The following NKAIN3 variants were observed in gnomAD, a reference collection of about 807,000 sequenced individuals.
The protein encoded by NKAIN3 is sodium/potassium transporting ATPase interacting 3, also known as sodium/potassium-transporting ATPase subunit beta-1-interacting protein 3.
A neutral mutation model predicts 30.2 loss-of-function variants in NKAIN3; 25 were observed. That is an observed-to-expected ratio of 0.83 (90% CI 0.60 to 1.16). The LOEUF (loss-of-function observed/expected upper bound fraction) is 1.16, where lower values mean the gene tolerates loss of function less well. NKAIN3 is among the 50% of genes most tolerant of loss of function. The pLI is 0.00. For synonymous variants in NKAIN3, 91 were observed against 89.6 expected (o/e 1.02, Z -0.09); for missense variants, 225 against 254.1 (o/e 0.89, Z 0.78).
chr8:62,384,444 G>C, intron 1 of NKAIN3, among the ~76,000 whole-genome samples: 2 of 152,118 alleles, frequency 1.3e-5, no homozygotes, highest in Middle Eastern at 6.8e-3. Context: ...TTTTATAATA[G>C]TAATAGACAA....
At chr8:62,897,251 A>G (rs902332692) in intron 4 of NKAIN3, among the ~76,000 whole-genome samples, 1 of 152,204 alleles carries the variant, frequency 6.6e-6, no homozygotes, top group East Asian at 1.9e-4. Flanking sequence ...GTTCACCTAA[A>G]TAGTCTTACA....
chr8:62,364,724 A>T (rs1816678238), intron 1 of NKAIN3, among the ~76,000 whole-genome samples: 1 of 148,016 alleles, frequency 6.8e-6, no homozygotes. Flanking sequence ...CTGTAGTACC[A>T]GCTACTCCTA....
At chr8:62,551,578 C>A (rs1809212014) in intron 1 of NKAIN3, among the ~76,000 whole-genome samples, 1 of 152,184 alleles carries the variant, frequency 6.6e-6, no homozygotes, top group Admixed American at 6.5e-5. Flanking sequence ...AAACTTTTGA[C>A]TTAGCCCACA....
intron 4 of NKAIN3, among the ~76,000 whole-genome samples, chr8:62,881,206 T>A (rs568092479): frequency 6.6e-6 from 1 of 152,330 alleles, no homozygotes; most frequent in South Asian, 2.1e-4. Context: ...TTTGGACTAA[T>A]GTATAATGAC....
At chr8:62,777,363 G>A (rs1817223807) in intron 4 of NKAIN3, among the ~76,000 whole-genome samples, 2 of 151,730 alleles carry the variant, frequency 1.3e-5, no homozygotes, top group Admixed American at 1.3e-4. Context: ...TTTTTATCTT[G>A]TAGATGTGCT....
chr8:62,336,491 G>C (rs1171887840), intron 1 of NKAIN3, among the ~76,000 whole-genome samples: 4 of 151,934 alleles, frequency 2.6e-5, no homozygotes, highest in Non-Finnish European at 5.9e-5. Context: ...AAGGCCCTTG[G>C]GGCTTTTGCT....
At chr8:62,603,658 C>G (rs1324944858) in intron 3 of NKAIN3, among the ~76,000 whole-genome samples, 3 of 152,062 alleles carry the variant, frequency 2.0e-5, no homozygotes, top group African/African-American at 7.2e-5. Context: ...TCAGATTGAA[C>G]TTAATTAGTG....
At chr8:62,798,676 C>A (rs1817951836) in intron 4 of NKAIN3, among the ~76,000 whole-genome samples, 1 of 152,150 alleles carries the variant, frequency 6.6e-6, no homozygotes, top group Non-Finnish European at 1.5e-5. Flanking sequence ...ACCCATGACC[C>A]TTTTCACCTT....
intron 1 of NKAIN3, among the ~76,000 whole-genome samples, chr8:62,492,973 T>A (rs1286279030): frequency 1.3e-5 from 2 of 152,144 alleles, no homozygotes; most frequent in Admixed American, 1.3e-4. Flanking sequence ...TTTGTAAAAA[T>A]CTTCTCCCAT....
At chr8:62,294,066 G>A (rs148160210) in intron 1 of NKAIN3, among the ~76,000 whole-genome samples, 5 of 152,310 alleles carry the variant, frequency 3.3e-5, no homozygotes, top group East Asian at 1.9e-4. Flanking sequence ...CTGGCATGCC[G>A]TTTGCTAAGG....
At chr8:62,552,507 G>A (rs1354863271) in intron 1 of NKAIN3, among the ~76,000 whole-genome samples, 1 of 152,138 alleles carries the variant, frequency 6.6e-6, no homozygotes, top group Non-Finnish European at 1.5e-5. Context: ...GAGTGAAGGA[G>A]CATCCAATTC....
At chr8:62,706,001 G>T (rs1764125082) in intron 3 of NKAIN3, among the ~76,000 whole-genome samples, 1 of 152,098 alleles carries the variant, frequency 6.6e-6, no homozygotes, top group South Asian at 2.1e-4. Flanking sequence ...AACACATGAT[G>T]GGACTTCTCC....
chr8:62,898,880 T>C (rs568270445), intron 4 of NKAIN3, among the ~76,000 whole-genome samples: 2 of 152,224 alleles, frequency 1.3e-5, no homozygotes, highest in East Asian at 1.9e-4. Context: ...AGCAACTCTA[T>C]AGGAAAAACT....
chr8:62,534,395 C>T (rs898270407), intron 1 of NKAIN3, among the ~76,000 whole-genome samples: 1 of 152,138 alleles, frequency 6.6e-6, no homozygotes, highest in Non-Finnish European at 1.5e-5. Flanking sequence ...AACCTTCTCT[C>T]GCAGTGCTGA....
intron 1 of NKAIN3, among the ~76,000 whole-genome samples, chr8:62,433,530 A>G (rs1314486920): frequency 6.6e-6 from 1 of 152,142 alleles, no homozygotes; most frequent in Non-Finnish European, 1.5e-5. Context: ...CTTAAGCCTC[A>G]TGTCCACTGA....
intron 3 of NKAIN3, among the ~76,000 whole-genome samples, chr8:62,741,857 G>A (rs553791919): frequency 6.6e-6 from 1 of 152,146 alleles, no homozygotes; most frequent in South Asian, 2.1e-4. Context: ...AGGTAAAATT[G>A]TGCCTTCCCT....
At chr8:62,918,658 A>G in intron 5 of NKAIN3, 145 bp downstream of exon 5, 2 of 648,696 alleles carry the variant, frequency 3.1e-6, no homozygotes, top group South Asian at 4.0e-5. Context: ...TACAGTCAAA[A>G]GTTGACAGAC....
At chr8:62,933,145 C>T (rs1434915805) in intron 5 of NKAIN3, among the ~76,000 whole-genome samples, 1 of 152,018 alleles carries the variant, frequency 6.6e-6, no homozygotes, top group Non-Finnish European at 1.5e-5. Context: ...GGAATATGAT[C>T]AAATTCAGTT....
chr8:62,941,033 G>A (rs1365495260), intron 5 of NKAIN3, among the ~76,000 whole-genome samples: 1 of 151,434 alleles, frequency 6.6e-6, no homozygotes, highest in East Asian at 1.9e-4. Flanking sequence ...AGAAAAGAGA[G>A]AGAATCCAAA....
Sources: gnomAD v4.1 joint callset for allele counts (sites outside exome capture counted in the v4.1 genomes callset) on GRCh38, gnomAD v4.1.1 for gene constraint, MANE v1.5 for transcripts, NCBI Gene and HGNC (gene_info 2026-07-23, HGNC 2026-07-21) for gene names.